The following CFAP96 variants were observed in gnomAD, a reference collection of about 807,000 sequenced individuals.
CFAP96 encodes cilia and flagella associated protein 96, also known as cilia-and flagella-associated protein 96.
the CFAP96 span, among the ~76,000 whole-genome samples, chr4:185,439,520 T>C: frequency 0.61 from 92,624 of 151,864 alleles, 31,467 homozygotes; most frequent in East Asian, 0.83. Context: ...TGATGAAATA[T>C]CAGATTTTAT....
chr4:185,425,838 G>A, the CFAP96 span: 1 of 1,601,024 alleles, frequency 6.2e-7, no homozygotes, highest in South Asian at 1.1e-5. Flanking sequence ...GAAAAACACA[G>A]GGGTCGGTGA....
At chr4:185,427,394 G>T in the CFAP96 span, among the ~76,000 whole-genome samples, 1 of 152,222 alleles carries the variant, frequency 6.6e-6, no homozygotes, top group Non-Finnish European at 1.5e-5. Context: ...TTACGTATTA[G>T]CAATGATTCA....
chr4:185,408,952 G>A, the CFAP96 span, among the ~76,000 whole-genome samples: 1 of 151,884 alleles, frequency 6.6e-6, no homozygotes, highest in South Asian at 2.1e-4. Flanking sequence ...AGTATATCAT[G>A]ACTTGATATA....
chr4:185,411,664 A>AG, the CFAP96 span, among the ~76,000 whole-genome samples: 7 of 152,180 alleles, frequency 4.6e-5, no homozygotes, highest in African/African-American at 1.7e-4. Context: ...AATGGTTCAG[A>AG]GGGGGAAAAA....
chr4:185,438,396 T>C, the CFAP96 span, among the ~76,000 whole-genome samples: 1 of 152,352 alleles, frequency 6.6e-6, no homozygotes, highest in African/African-American at 2.4e-5. Flanking sequence ...ATATTTTTAA[T>C]TTCATACATT....
At chr4:185,431,521 C>A in the CFAP96 span, among the ~76,000 whole-genome samples, 4 of 152,146 alleles carry the variant, frequency 2.6e-5, no homozygotes, top group South Asian at 8.3e-4. Flanking sequence ...TTGTTAATGT[C>A]TTTTAGTGGC....
the CFAP96 span, among the ~76,000 whole-genome samples, chr4:185,448,368 G>A: frequency 3.3e-5 from 5 of 152,226 alleles, no homozygotes; most frequent in South Asian, 1.0e-3. Context: ...TAACTCATAT[G>A]GGTTTTATTA....
At chr4:185,414,322 A>G in the CFAP96 span, among the ~76,000 whole-genome samples, 1 of 152,240 alleles carries the variant, frequency 6.6e-6, no homozygotes, top group African/African-American at 2.4e-5. Flanking sequence ...TAAACTACAG[A>G]GTAGAAGTTA....
the CFAP96 span, chr4:185,416,156 A>G: frequency 4.8e-6 from 1 of 206,408 alleles, no homozygotes; most frequent in Non-Finnish European, 9.5e-6. Flanking sequence ...CACAAATATT[A>G]TTTTAAAAAG....
At chr4:185,415,351 T>TTTCTTC in the CFAP96 span, 1 of 1,566,736 alleles carries the variant, frequency 6.4e-7, no homozygotes, top group South Asian at 1.2e-5. Context: ...ACGAACTCTG[T>TTTCTTC]GGGGGGAAAT....
the CFAP96 span, chr4:185,418,780 A>T: frequency 1.3e-6 from 2 of 1,578,124 alleles, no homozygotes; most frequent in Admixed American, 3.8e-5. Flanking sequence ...TCTAAATTAA[A>T]AGAATATAAA....
the CFAP96 span, among the ~76,000 whole-genome samples, chr4:185,410,813 G>A: frequency 6.6e-6 from 1 of 151,848 alleles, no homozygotes; most frequent in South Asian, 2.1e-4. Context: ...AGGCGTGGTA[G>A]CACCCTCCTG....
chr4:185,420,343 A>T, the CFAP96 span, among the ~76,000 whole-genome samples: 1 of 152,216 alleles, frequency 6.6e-6, no homozygotes, highest in Non-Finnish European at 1.5e-5. Context: ...TTCAATTTGG[A>T]AACATTTTTA....
At chr4:185,440,545 G>T in the CFAP96 span, 42 of 1,500,902 alleles carry the variant, frequency 2.8e-5, no homozygotes, top group Middle Eastern at 3.4e-4. Context: ...CACAGAAAGC[G>T]AATGAAGAGC....
At chr4:185,433,425 T>C in the CFAP96 span, among the ~76,000 whole-genome samples, 2 of 148,122 alleles carry the variant, frequency 1.4e-5, no homozygotes, top group Admixed American at 6.7e-5. Flanking sequence ...AAAAGAAAAG[T>C]AATGTTCATT....
At chr4:185,424,716 G>A in the CFAP96 span, among the ~76,000 whole-genome samples, 115 of 152,282 alleles carry the variant, frequency 7.6e-4, 1 homozygote, top group Middle Eastern at 0.027. Context: ...AATATTTAAA[G>A]ATACTGAAGA....
At chr4:185,445,381 G>A in the CFAP96 span, 1 of 820,746 alleles carries the variant, frequency 1.2e-6, no homozygotes, top group Non-Finnish European at 2.0e-6. Flanking sequence ...AATTTTTAAA[G>A]CAAATATATA....
chr4:185,428,885 C>T, the CFAP96 span, among the ~76,000 whole-genome samples: 1 of 151,582 alleles, frequency 6.6e-6, no homozygotes, highest in Admixed American at 6.6e-5. Context: ...TGTTGTACAT[C>T]CTGAAAAGCT....
the CFAP96 span, among the ~76,000 whole-genome samples, chr4:185,412,078 T>G: frequency 6.6e-6 from 1 of 150,570 alleles, no homozygotes; most frequent in Non-Finnish European, 1.5e-5. Context: ...AAGTTTTGCT[T>G]CTTAAATTAG....
Sources: allele counts gnomAD v4.1 joint callset (sites outside exome capture counted in the v4.1 genomes callset), GRCh38; gene constraint gnomAD v4.1.1; transcripts MANE v1.5; gene names NCBI Gene and HGNC (gene_info 2026-07-23, HGNC 2026-07-21).